The following CAMK1D variants were observed in gnomAD, a reference collection of about 807,000 sequenced individuals.
CAMK1D encodes the protein calcium/calmodulin-dependent protein kinase type 1D.
A neutral mutation model predicts 47.7 loss-of-function variants in CAMK1D; 9 were observed. The observed-to-expected ratio is 0.19, with a 90% confidence interval of 0.11 to 0.33. The LOEUF is 0.33. CAMK1D is among the 10% of genes least tolerant of loss of function. The pLI is 1.00. For missense variants in CAMK1D, 291 were observed against 488.7 expected (o/e 0.60, Z 3.81); for synonymous variants, 184 against 184.9 (o/e 0.99, Z 0.04).
chr10:12,763,844 G>T (rs560508924), intron 4 of CAMK1D, among the ~76,000 whole-genome samples: 1 of 152,116 alleles, frequency 6.6e-6, no homozygotes, highest in African/African-American at 2.4e-5. Context: ...GTCTTGCAAA[G>T]ATGCCATAAT....
At chr10:12,565,544 G>A (rs112064129) in intron 2 of CAMK1D, among the ~76,000 whole-genome samples, 239 of 152,326 alleles carry the variant, frequency 1.6e-3, no homozygotes, top group African/African-American at 5.2e-3. Context: ...GTGAGCTGCC[G>A]CGCCTGGCGA....
At chr10:12,622,490 TC>T (rs1839029461) in intron 2 of CAMK1D, among the ~76,000 whole-genome samples, 1 of 152,046 alleles carries the variant, frequency 6.6e-6, no homozygotes, top group Admixed American at 6.6e-5. Context: ...ATCCCATCTC[TC>T]CACCTGGCAG....
At chr10:12,809,238 A>C (rs1050695876) in intron 6 of CAMK1D, among the ~76,000 whole-genome samples, 5 of 152,172 alleles carry the variant, frequency 3.3e-5, no homozygotes, top group African/African-American at 1.2e-4. Context: ...ATGATTAGTG[A>C]TATTGAGCAT....
chr10:12,579,606 T>G (rs1179503437), intron 2 of CAMK1D, among the ~76,000 whole-genome samples: 1 of 152,182 alleles, frequency 6.6e-6, no homozygotes, highest in Non-Finnish European at 1.5e-5. Context: ...AATAACTTTC[T>G]CTTCTCTCCA....
chr10:12,624,224 G>T (rs903445069), intron 2 of CAMK1D, among the ~76,000 whole-genome samples: 3 of 152,102 alleles, frequency 2.0e-5, no homozygotes, highest in African/African-American at 7.2e-5. Context: ...GTGTGTGTGT[G>T]TGTAAATTTT....
At chr10:12,396,185 T>C (rs1838946398) in intron 1 of CAMK1D, among the ~76,000 whole-genome samples, 1 of 152,116 alleles carries the variant, frequency 6.6e-6, no homozygotes, top group African/African-American at 2.4e-5. Context: ...AAAGAGTTGT[T>C]TTTTAAGTGT....
At chr10:12,412,392 C>T (rs1839688160) in intron 1 of CAMK1D, among the ~76,000 whole-genome samples, 1 of 148,430 alleles carries the variant, frequency 6.7e-6, no homozygotes, top group Admixed American at 6.9e-5. Flanking sequence ...GGCAGATCAC[C>T]TGAGATCAGG....
rs534132463 is a variant in CAMK1D at position 12,479,526 on chromosome 10, A to G, written c.93-73699A>G. Among the ~76,000 whole-genome samples the G allele has an allele frequency of 1.3e-3, 192 of 152,292 alleles. 3 individuals carry two copies. Among genetic ancestry groups the G allele is most frequent in the Admixed American group, 0.012 (191 of 15,298 alleles). On this transcript the variant is annotated intron_variant, in intron 1 of 10. Coordinates refer to ENST00000619168, the MANE Select transcript of CAMK1D (RefSeq NM_153498.4). Reference sequence around the variant, plus strand: ...CTGCATTTCTAACAAGTTCCCCAGCAGTGCTGCTGCTGCCGCCGCTGCTGT... The same window carrying G: ...CTGCATTTCTAACAAGTTCCCCAGCGGTGCTGCTGCTGCCGCCGCTGCTGT...
chr10:12,682,839 CAAAG>C (rs1832497535), intron 3 of CAMK1D, among the ~76,000 whole-genome samples: 1 of 86,808 alleles, frequency 1.2e-5, no homozygotes, highest in Non-Finnish European at 3.0e-5. Flanking sequence ...TTAGTCAACA[CAAAG>C]AAGTTAAATT....
At chr10:12,489,741 T>C (rs1006596965) in intron 1 of CAMK1D, among the ~76,000 whole-genome samples, 5 of 152,170 alleles carry the variant, frequency 3.3e-5, no homozygotes, top group Non-Finnish European at 7.3e-5. Flanking sequence ...CTTTCTCCCC[T>C]CTGTTTAGTC....
intron 8 of CAMK1D, among the ~76,000 whole-genome samples, chr10:12,819,833 C>T (rs1467232551): frequency 1.3e-5 from 2 of 152,048 alleles, no homozygotes; most frequent in African/African-American, 2.4e-5. Flanking sequence ...GTGGCCTGCG[C>T]GGGGCAGCGT....
chr10:12,701,955 GA>G, intron 3 of CAMK1D, among the ~76,000 whole-genome samples: 1 of 152,326 alleles, frequency 6.6e-6, no homozygotes, highest in East Asian at 1.9e-4. Flanking sequence ...AAGGGAAAAG[GA>G]AATGAGTAGA....
intron 5 of CAMK1D, among the ~76,000 whole-genome samples, chr10:12,785,023 C>A (rs1380058513): frequency 2.0e-5 from 3 of 152,174 alleles, no homozygotes; most frequent in African/African-American, 4.8e-5. Context: ...TTGATGAATG[C>A]ACCTGGGAAC....
At chr10:12,803,711 G>C (rs1419210636) in intron 6 of CAMK1D, among the ~76,000 whole-genome samples, 1 of 152,036 alleles carries the variant, frequency 6.6e-6, no homozygotes, top group Non-Finnish European at 1.5e-5. Flanking sequence ...GCTTGAAGTA[G>C]CCTTTGTTTT....
intron 1 of CAMK1D, among the ~76,000 whole-genome samples, chr10:12,434,788 G>A (rs1316208661): frequency 1.3e-5 from 2 of 152,176 alleles, no homozygotes; most frequent in Non-Finnish European, 2.9e-5. Context: ...CACCTTGATC[G>A]CCTTCAGTCT....
At chr10:12,582,733 CTT>C (rs1276628169) in intron 2 of CAMK1D, among the ~76,000 whole-genome samples, 2 of 152,190 alleles carry the variant, frequency 1.3e-5, no homozygotes, top group Non-Finnish European at 2.9e-5. Context: ...TATCCTGAAA[CTT>C]TGCTGAATTC....
chr10:12,565,241 C>T (rs941856086), intron 2 of CAMK1D, among the ~76,000 whole-genome samples: 10 of 146,798 alleles, frequency 6.8e-5, no homozygotes, highest in Admixed American at 2.7e-4. Context: ...CATACATCTC[C>T]GTATTTTTAA....
At chr10:12,778,537 C>T (rs893306975) in intron 5 of CAMK1D, among the ~76,000 whole-genome samples, 1 of 152,176 alleles carries the variant, frequency 6.6e-6, no homozygotes, top group African/African-American at 2.4e-5. Context: ...GTAGATGGGC[C>T]ACACAGATTC....
intron 1 of CAMK1D, among the ~76,000 whole-genome samples, chr10:12,367,758 A>C (rs1298287700): frequency 6.6e-6 from 1 of 152,090 alleles, no homozygotes; most frequent in Non-Finnish European, 1.5e-5. Context: ...CAGTACTGCA[A>C]GTGATGGGGG....
Sources: allele counts gnomAD v4.1 joint callset (sites outside exome capture counted in the v4.1 genomes callset), GRCh38; gene constraint gnomAD v4.1.1; transcripts MANE v1.5; gene names NCBI Gene and HGNC (gene_info 2026-07-23, HGNC 2026-07-21).